Variants in DCC observed in about 807,000 individuals in gnomAD.
DCC encodes the protein netrin receptor DCC.
DCC carries 58 observed loss-of-function variants against 172.5 expected under a neutral mutation model. That is an observed-to-expected ratio of 0.34 (90% CI 0.27 to 0.42). The LOEUF (loss-of-function observed/expected upper bound fraction) is 0.42, where lower values mean the gene tolerates loss of function less well. Ranked by LOEUF, DCC falls within the 10% of genes least tolerant of loss-of-function variation. The pLI, the probability that DCC is intolerant of heterozygous loss-of-function variation, is 1.00. For missense variants in DCC, 1,740 were observed against 1,791.0 expected (o/e 0.97, Z 0.51); for synonymous variants, 709 against 644.5 (o/e 1.10, Z -1.52).
intron 5 of DCC, among the ~76,000 whole-genome samples, chr18:53,015,005 C>A (rs2041789124): frequency 6.6e-6 from 1 of 152,150 alleles, no homozygotes; most frequent in Non-Finnish European, 1.5e-5. Context: ...GCAACTAAGA[C>A]TCTACTAAGG....
chr18:53,189,061 G>A (rs528116660), intron 9 of DCC, among the ~76,000 whole-genome samples: 64 of 152,254 alleles, frequency 4.2e-4, no homozygotes, highest in African/African-American at 1.4e-3. Flanking sequence ...ATACTGCCCT[G>A]TGAATCTTAG....
At chr18:52,445,983 G>C (rs1988108965) in intron 1 of DCC, among the ~76,000 whole-genome samples, 1 of 152,216 alleles carries the variant, frequency 6.6e-6, no homozygotes, top group Admixed American at 6.5e-5. Context: ...CCAGGCTAGA[G>C]TGCAGTGGCG....
Position 53,391,744 on chromosome 18 carries a change from G to T in DCC, c.2545G>T (p.Gly849Cys). The T allele has an allele frequency of 6.2e-7, 1 of 1,614,058 alleles. No homozygotes were observed. The highest frequency in any genetic ancestry group is 8.5e-7 in the Non-Finnish European group (1 of 1,179,982). The change falls in exon 17 of 29, where the codon GGT (glycine) becomes TGT (cysteine). Residue 849 changes from glycine (G) to cysteine (C), a missense_variant. By Grantham distance (159) the Gly-to-Cys change is radical. Transcript: ENST00000442544. ...CTCCACCCCCATGCTCCCACCAGTA[G>T]GTGTACAGGCTGTGGCTCTTACCCA... ...DLSTPMLPPV[G>C]VQAVALTHDA...
chr18:53,252,511 G>A (rs542743796), intron 12 of DCC, among the ~76,000 whole-genome samples: 22 of 151,874 alleles, frequency 1.4e-4, no homozygotes, highest in African/African-American at 5.1e-4. Flanking sequence ...ACCCCAAAAG[G>A]CAATTTAAGA....
chr18:53,364,156 C>T (rs1371909137), intron 15 of DCC, among the ~76,000 whole-genome samples: 1 of 152,038 alleles, frequency 6.6e-6, no homozygotes, highest in Non-Finnish European at 1.5e-5. Context: ...AAAATTGTAA[C>T]CTAGTATCTG....
At chr18:52,837,336 T>C (rs1024885574) in intron 2 of DCC, among the ~76,000 whole-genome samples, 26 of 152,258 alleles carry the variant, frequency 1.7e-4, no homozygotes, top group Admixed American at 1.6e-3. Context: ...AATGGGTTGT[T>C]AATTTCTGTT....
At chr18:52,960,555 A>G (rs963801001) in intron 5 of DCC, among the ~76,000 whole-genome samples, 19 of 152,118 alleles carry the variant, frequency 1.2e-4, no homozygotes, top group African/African-American at 4.6e-4. Flanking sequence ...ATCACAGTTT[A>G]TTACCCAGTG....
intron 1 of DCC, among the ~76,000 whole-genome samples, chr18:52,476,474 C>A (rs975894827): frequency 1.3e-5 from 2 of 152,156 alleles, no homozygotes; most frequent in South Asian, 2.1e-4. Context: ...TTATGGCAAG[C>A]TTTTCATTTG....
At chr18:53,059,861 G>C (rs1051534313) in intron 5 of DCC, among the ~76,000 whole-genome samples, 22 of 152,050 alleles carry the variant, frequency 1.4e-4, no homozygotes, top group Admixed American at 6.6e-5. Flanking sequence ...GCAAATCTTT[G>C]TTGAGCATGT....
At chr18:53,495,154 G>C (rs1365943131) in intron 26 of DCC, among the ~76,000 whole-genome samples, 5 of 152,158 alleles carry the variant, frequency 3.3e-5, no homozygotes, top group Non-Finnish European at 7.3e-5. Context: ...CACTTTGGGA[G>C]GCCAAGGCTG....
At chr18:52,747,915 T>C (rs2036932203) in intron 1 of DCC, among the ~76,000 whole-genome samples, 1 of 152,198 alleles carries the variant, frequency 6.6e-6, no homozygotes, top group African/African-American at 2.4e-5. Context: ...TATTTTTCAG[T>C]GCCGCTTCGC....
chr18:52,866,097 A>G (rs2039224638), intron 2 of DCC, among the ~76,000 whole-genome samples: 1 of 152,190 alleles, frequency 6.6e-6, no homozygotes, highest in Middle Eastern at 3.2e-3. Context: ...GTCCAGTTTC[A>G]GTTTTCTGCA....
At position 53,486,834 on chromosome 18, in the gene DCC, T is replaced by C; in HGVS notation, c.3774T>C (p.Ser1258=). The part of the protein sequence containing the change: ...VSAIPVPTLE[S]AQYPGILPSP... The stretch of plus-strand genomic sequence containing the variant: ...CCATCCCGGTGCCAACGCTAGAAAG[T>C]GCCCAGTACCCAGGAATCCTCCCGT... The change falls in exon 26 of 29, where the codon AGT becomes AGC. Residue 1258 remains serine (S), a synonymous_variant. Transcript: ENST00000442544. 6.2e-7 allele frequency: 1 copy of C among 1,614,170 alleles called. No homozygotes were observed. Among genetic ancestry groups the C allele is most frequent in the Non-Finnish European group, 8.5e-7 (1 of 1,180,040 alleles).
chr18:53,292,312 G>A (rs1356239648), intron 12 of DCC, among the ~76,000 whole-genome samples: 3 of 152,084 alleles, frequency 2.0e-5, no homozygotes, highest in African/African-American at 4.8e-5. Context: ...GAAGCAACTC[G>A]AATAGAGCTG....
At chr18:53,022,933 A>G (rs1258505824) in intron 5 of DCC, among the ~76,000 whole-genome samples, 1 of 152,148 alleles carries the variant, frequency 6.6e-6, no homozygotes, top group Non-Finnish European at 1.5e-5. Context: ...TATGTCAATG[A>G]TATCCCCTTG....
intron 1 of DCC, among the ~76,000 whole-genome samples, chr18:52,613,462 A>G (rs1000533419): frequency 1.3e-5 from 2 of 151,992 alleles, no homozygotes; most frequent in Non-Finnish European, 2.9e-5. Context: ...TCACCGTGTT[A>G]GCCAGGATGG....
intron 15 of DCC, among the ~76,000 whole-genome samples, chr18:53,351,470 A>ATATATATATATACACAGTG (rs2057811456): frequency 1.7e-4 from 6 of 35,246 alleles, no homozygotes; most frequent in Non-Finnish European, 3.7e-4. Flanking sequence ...CAGTGTGTAT[A>ATATATATATATACACAGTG]TATATATATA....
chr18:52,574,786 T>C (rs2033372673), intron 1 of DCC, among the ~76,000 whole-genome samples: 1 of 152,196 alleles, frequency 6.6e-6, no homozygotes, highest in African/African-American at 2.4e-5. Context: ...CAACATGGTA[T>C]ATGAATGTTT....
intron 1 of DCC, among the ~76,000 whole-genome samples, chr18:52,459,507 G>A (rs187192451): frequency 6.7e-5 from 10 of 148,562 alleles, no homozygotes; most frequent in East Asian, 6.3e-4. Flanking sequence ...TCACTCTGTC[G>A]CCCAGGCTGG....
Sources: allele counts gnomAD v4.1 joint callset (sites outside exome capture counted in the v4.1 genomes callset), GRCh38; gene constraint gnomAD v4.1.1; transcripts MANE v1.5; gene names NCBI Gene and HGNC (gene_info 2026-07-23, HGNC 2026-07-21).